The following PRKCH variants were observed in gnomAD, a reference collection of about 807,000 sequenced individuals.
PRKCH encodes protein kinase C eta type.
In PRKCH, 28 loss-of-function variants were observed where a neutral mutation model predicts 82.5. The ratio of observed to expected loss-of-function variants is 0.34; its 90% confidence interval spans 0.25 to 0.47. The LOEUF (loss-of-function observed/expected upper bound fraction) is 0.47. PRKCH is among the 20% of genes least tolerant of loss of function. PRKCH has a pLI of 1.00. For synonymous variants in PRKCH, 322 were observed against 327.4 expected, an observed-to-expected ratio of 0.98 and a Z score of 0.18; for missense variants, 705 against 881.8, an observed-to-expected ratio of 0.80 and a Z score of 2.54.
intron 1 of PRKCH, among the ~76,000 whole-genome samples, chr14:61,239,917 T>A (rs1164837031): frequency 6.6e-6 from 1 of 152,242 alleles, no homozygotes; most frequent in Non-Finnish European, 1.5e-5. Flanking sequence ...TCATTTTAGC[T>A]ATTACAGATA....
At chr14:61,323,056 G>A (rs2045651095) in intron 1 of PRKCH, among the ~76,000 whole-genome samples, 3 of 152,144 alleles carry the variant, frequency 2.0e-5, no homozygotes, top group Admixed American at 2.0e-4. Context: ...AAGGAGATGA[G>A]ATTTACATAT....
At chr14:61,548,000 T>C (rs2140045305) in intron 13 of PRKCH, 114 bp downstream of exon 13, 1 of 1,407,218 alleles carries the variant, frequency 7.1e-7, no homozygotes, top group Non-Finnish European at 9.7e-7. Context: ...GAAATTCAGC[T>C]GGATACTGCA....
chr14:61,521,380 A>G (rs2042904467), intron 10 of PRKCH, among the ~76,000 whole-genome samples: 1 of 152,110 alleles, frequency 6.6e-6, no homozygotes, highest in African/African-American at 2.4e-5. Context: ...CGGTTGATAC[A>G]TAATTTAGCT....
intron 1 of PRKCH, among the ~76,000 whole-genome samples, chr14:61,329,766 A>G (rs1489539429): frequency 1.3e-5 from 2 of 152,258 alleles, no homozygotes; most frequent in Admixed American, 1.3e-4. Flanking sequence ...TCCTCCTCCT[A>G]GTGTTCCCTC....
At chr14:61,214,973 T>G (rs905487103) in intron 1 of PRKCH, among the ~76,000 whole-genome samples, 3 of 152,340 alleles carry the variant, frequency 2.0e-5, no homozygotes, top group African/African-American at 7.2e-5. Context: ...CATTACTAGG[T>G]GAAAAGCTTT....
chr14:61,210,111 A>ATATAT (rs2044559213), intron 1 of PRKCH, among the ~76,000 whole-genome samples: 1 of 87,362 alleles, frequency 1.1e-5, no homozygotes, highest in Non-Finnish European at 2.5e-5. Flanking sequence ...CAAACAAACA[A>ATATAT]ATATATATAT....
intron 12 of PRKCH, among the ~76,000 whole-genome samples, chr14:61,540,195 G>A (rs2043164570): frequency 6.6e-6 from 1 of 152,136 alleles, no homozygotes. Context: ...CACCTGCACT[G>A]TATGTACTTC....
chr14:61,231,369 T>TTC (rs2044741898), intron 1 of PRKCH, among the ~76,000 whole-genome samples: 1 of 149,978 alleles, frequency 6.7e-6, no homozygotes, highest in Non-Finnish European at 1.5e-5. Context: ...TGAATTTTTT[T>TTC]TTTTTTTTTT....
intron 1 of PRKCH, among the ~76,000 whole-genome samples, chr14:61,255,022 T>A (rs968319381): frequency 2.6e-5 from 4 of 152,204 alleles, no homozygotes; most frequent in African/African-American, 9.7e-5. Context: ...TGTTCCATCC[T>A]CACTGCAGTC....
chr14:61,343,639 G>T (rs1291313757), intron 1 of PRKCH, among the ~76,000 whole-genome samples: 2 of 152,090 alleles, frequency 1.3e-5, no homozygotes, highest in Non-Finnish European at 2.9e-5. Flanking sequence ...TTGTAATCAA[G>T]TAATATTTTG....
intron 2 of PRKCH, among the ~76,000 whole-genome samples, chr14:61,404,848 G>A (rs1881852947): frequency 6.6e-6 from 1 of 152,168 alleles, no homozygotes; most frequent in Admixed American, 6.5e-5. Context: ...ATACTGTAAG[G>A]GTTGCAGCAG....
At chr14:61,258,787 T>C (rs973707864) in intron 1 of PRKCH, among the ~76,000 whole-genome samples, 3 of 152,234 alleles carry the variant, frequency 2.0e-5, no homozygotes, top group African/African-American at 4.8e-5. Context: ...TAAATTGCCT[T>C]AACTTTGCCC....
intron 1 of PRKCH, among the ~76,000 whole-genome samples, chr14:61,363,366 CT>C (rs2046255991): frequency 6.6e-6 from 1 of 152,098 alleles, no homozygotes; most frequent in South Asian, 2.1e-4. Flanking sequence ...TCATGATAGG[CT>C]CAATGTGAGA....
At chr14:61,445,386 C>G (rs1043144880) in intron 3 of PRKCH, among the ~76,000 whole-genome samples, 1 of 152,224 alleles carries the variant, frequency 6.6e-6, no homozygotes, top group African/African-American at 2.4e-5. Flanking sequence ...CAGGCCAAGG[C>G]TTAATCACAC....
In PRKCH at chr14:61,528,248, C is replaced by G. The variant is rs931615564; in HGVS notation, c.1434-827C>G. Among the ~76,000 whole-genome samples, 4 of 151,910 alleles carry G rather than the reference C, an allele frequency of 2.6e-5. No homozygotes were observed. The East Asian group carries it at 7.8e-4, about 29-fold the overall frequency. ...TCACCCTGTCGCCCAGGCTGGAGTT[C>G]AGTGATGCACTCTCAGCTCACTGCA... On this transcript the variant is annotated intron_variant, in intron 10 of 13. Transcript: ENST00000332981.
intron 2 of PRKCH, among the ~76,000 whole-genome samples, chr14:61,396,685 G>A (rs143504441): frequency 1.4e-3 from 217 of 152,342 alleles, no homozygotes; most frequent in African/African-American, 4.2e-3. Context: ...ATAGGACTGT[G>A]CCTAGAAGGG....
chr14:61,280,594 G>C lies in PRKCH; in HGVS notation c.-19+92926G>C. ...GCGGTCGAGCGGCACCTCGACGTAGGGCCCGCCGGGCTGGCGCTGGTGCCA... is the reference window on the plus strand; with the variant it reads ...GCGGTCGAGCGGCACCTCGACGTAGCGCCCGCCGGGCTGGCGCTGGTGCCA... On this transcript the variant is annotated intron_variant, in intron 1 of 3. Coordinates refer to the PRKCH transcript ENST00000555185. The surrounding 1 kb of genome is among the most constrained non-coding windows in gnomAD (Gnocchi z 5.0). The C allele has an allele frequency of 6.3e-7, 1 of 1,592,658 alleles. No homozygotes were observed.
At chr14:61,413,261 G>A (rs77902250) in intron 2 of PRKCH, among the ~76,000 whole-genome samples, 5 of 152,128 alleles carry the variant, frequency 3.3e-5, no homozygotes, top group African/African-American at 1.2e-4. Context: ...TGCTGCATTT[G>A]GTTCTGTTTC....
chr14:61,269,629 G>A (rs1245783750), intron 1 of PRKCH, among the ~76,000 whole-genome samples: 2 of 152,164 alleles, frequency 1.3e-5, no homozygotes, highest in Non-Finnish European at 2.9e-5. Flanking sequence ...GGTTTTCTGA[G>A]GAGCTTTAAT....
Sources: gnomAD v4.1 joint callset for allele counts (sites outside exome capture counted in the v4.1 genomes callset) on GRCh38, gnomAD v4.1.1 for gene constraint, Gnocchi (gnomAD v3.1) non-coding constraint, MANE v1.5 for transcripts, NCBI Gene and HGNC (gene_info 2026-07-23, HGNC 2026-07-21) for gene names.